The following IRAG2 variants were observed in gnomAD, a reference collection of about 807,000 sequenced individuals.
The protein encoded by IRAG2 is inositol 1,4,5-triphosphate receptor associated 2, also known as lymphoid restricted membrane protein.
In IRAG2, 45 loss-of-function variants were observed where a neutral mutation model predicts 69.9. The ratio of observed to expected loss-of-function variants is 0.64; its 90% CI spans 0.51 to 0.83. IRAG2 has a LOEUF of 0.83. IRAG2 is among the 40% of genes least tolerant of loss of function. IRAG2 has a pLI of 0.00. For missense variants in IRAG2, 520 were observed against 587.0 expected (o/e 0.89, Z 1.18); for synonymous variants, 193 against 202.4 (o/e 0.95, Z 0.40).
upstream of IRAG2, among the ~76,000 whole-genome samples, chr12:25,003,313 C>G (rs1210686251): frequency 6.6e-6 from 1 of 152,124 alleles, no homozygotes; most frequent in African/African-American, 2.4e-5. Context: ...ACTATTTTAA[C>G]CTTTTGCCTA....
At chr12:25,095,699 T>C (rs960983097) in intron 14 of IRAG2, among the ~76,000 whole-genome samples, 3 of 152,048 alleles carry the variant, frequency 2.0e-5, no homozygotes, top group African/African-American at 7.2e-5. Flanking sequence ...TTGGGAAGAG[T>C]TTTATGAAGA....
At chr12:25,053,552 A>G (rs2139894056) in intron 1 of IRAG2, among the ~76,000 whole-genome samples, 1 of 152,208 alleles carries the variant, frequency 6.6e-6, no homozygotes, top group East Asian at 1.9e-4. Context: ...AAGTATATAA[A>G]CAGTTACCAG....
intron 9 of IRAG2, among the ~76,000 whole-genome samples, chr12:25,081,024 C>T (rs963425775): frequency 2.0e-5 from 3 of 152,180 alleles, no homozygotes; most frequent in Non-Finnish European, 4.4e-5. Flanking sequence ...CCTATACACA[C>T]TATGTTTTTG....
In IRAG2 at chr12:25,043,619, C is replaced by A. The variant is rs138483001; in HGVS notation, c.2144+5482C>A. On this transcript the variant is annotated intron_variant, in intron 16 of 38. Coordinates refer to the IRAG2 transcript ENST00000636465. ...CTTCTGTCTTACCTGTCTCGGAGTA[C>A]TATGAGATGCATCATGCTCTAGATG... Among the ~76,000 whole-genome samples, 61 of 151,774 alleles carry A rather than the reference C, an allele frequency of 4.0e-4. 1 individual carries two copies. The East Asian group carries it at 0.011, about 28-fold the overall frequency.
At chr12:25,004,502 A>G (rs1010648752) in exon 1 of IRAG2, 19 of 1,232,032 alleles carry the variant, frequency 1.5e-5, no homozygotes, top group Non-Finnish European at 1.3e-5. Context: ...ACGAACACCA[A>G]GAAATATTTT....
At chr12:25,004,257 T>A (rs559135170), upstream of IRAG2, 25 of 976,644 alleles carry the variant, frequency 2.6e-5, no homozygotes, top group Non-Finnish European at 3.3e-5. Flanking sequence ...TAAATTATTG[T>A]TAGGAAAATA....
chr12:25,005,423 G>A (rs1468716075), intron 2 of IRAG2: 6 of 620,436 alleles, frequency 9.7e-6, no homozygotes, highest in Middle Eastern at 4.9e-4. Context: ...TCTATTGTGA[G>A]AGAAAGGGAA....
the IRAG2 span, among the ~76,000 whole-genome samples, chr12:24,998,098 T>A: frequency 6.6e-6 from 1 of 152,244 alleles, no homozygotes; most frequent in African/African-American, 2.4e-5. Flanking sequence ...GTAGGTCTTC[T>A]CTTGTTCTCT....
chr12:25,088,036 A>T, intron 10 of IRAG2, 64 bp from the exon 11 acceptor site: 2 of 1,202,916 alleles, frequency 1.7e-6, no homozygotes, highest in Non-Finnish European at 2.5e-6. Context: ...GACAGGAAGT[A>T]GGAAAATGAC....
upstream of IRAG2, among the ~76,000 whole-genome samples, chr12:25,000,168 A>G (rs566148780): frequency 6.6e-6 from 1 of 152,336 alleles, no homozygotes; most frequent in African/African-American, 2.4e-5. Context: ...TTAATATATT[A>G]GATACATTGG....
chr12:25,048,441 C>T (rs959504075), upstream of IRAG2, among the ~76,000 whole-genome samples: 1 of 151,896 alleles, frequency 6.6e-6, no homozygotes, highest in South Asian at 2.1e-4. Flanking sequence ...GGACTACAGG[C>T]ACACACCACC....
chr12:25,000,502 A>G (rs968225863), upstream of IRAG2, among the ~76,000 whole-genome samples: 3 of 152,186 alleles, frequency 2.0e-5, no homozygotes, highest in Admixed American at 2.0e-4. Flanking sequence ...TGGTAATCCC[A>G]GCTACTTGGG....
intron 15 of IRAG2, among the ~76,000 whole-genome samples, chr12:25,100,000 G>GAAAAAAAAAAATAAAAAAAAAAA (rs1948656796): frequency 3.9e-5 from 1 of 25,680 alleles, no homozygotes; most frequent in South Asian, 1.7e-3. Context: ...GACTCCATCT[G>GAAAAAAAAAAATAAAAAAAAAAA]AAAAAAAAAA....
rs1945712984 is a variant in IRAG2 at position 25,062,812 on chromosome 12, C to G, written c.-384-8C>G. The G allele has an allele frequency of 2.5e-6, 1 of 398,854 alleles. No individual in the cohort carries two copies. The highest frequency in any genetic ancestry group is 4.4e-6 in the Non-Finnish European group (1 of 226,028). 24.7% of individuals were successfully genotyped at this position (398,854 alleles called of 1,614,324 possible). A position where few individuals can be genotyped will look rare whatever the true frequency, so the allele number is the denominator to read the frequency against. On this transcript the variant is annotated splice_region_variant and splice_polypyrimidine_tract_variant and intron_variant, in intron 2 of 21. Coordinates refer to ENST00000556887, the MANE Select transcript of IRAG2 (RefSeq NM_001366544.2). ...CTTTGAATACACTCTACCATTTTCT[C>G]TTGACAGAGCTTTTTAGATGAGGAA...
chr12:25,087,180 T>G (rs113722140), intron 10 of IRAG2, among the ~76,000 whole-genome samples: 3,647 of 124,712 alleles, frequency 0.029, 33 homozygotes, highest in African/African-American at 0.07. Context: ...TTTTTTTTTT[T>G]TTGTTGAGAC....
At chr12:25,052,244 A>G (rs1156881503), upstream of IRAG2, 2 of 391,234 alleles carry the variant, frequency 5.1e-6, no homozygotes, top group Non-Finnish European at 8.9e-6. Flanking sequence ...GTCAGAAACA[A>G]CTAGAAGCCA....
intron 10 of IRAG2, chr12:25,030,366 G>A (rs1944659482): frequency 9.9e-6 from 12 of 1,216,372 alleles, no homozygotes; most frequent in African/African-American, 1.6e-5. Context: ...AAAGTCCCAT[G>A]GAATTGGCTA....
chr12:25,022,675 G>C (rs1350626685), intron 7 of IRAG2, among the ~76,000 whole-genome samples: 3 of 152,184 alleles, frequency 2.0e-5, no homozygotes, highest in African/African-American at 4.8e-5. Context: ...AAATGTAATA[G>C]AGCAATAAAG....
In IRAG2 at chr12:25,108,008, A is replaced by C. The variant is rs748286354; in HGVS notation, c.1448A>C (p.His483Pro). The change falls in exon 22 of 22, where the codon CAT (histidine) becomes CCT (proline). Residue 483 changes from histidine (H) to proline (P), a missense_variant. Transcript: ENST00000556887. ...QQEDSWTSLE[H>P]ILWPFTRLRH... ...GAGGACTCATGGACGTCTCTAGAAC[A>C]TATCTTGTGGCCATTTACCAGACTC... 9 of 1,613,860 alleles carry C rather than the reference A, an allele frequency of 5.6e-6. No individual in the cohort carries two copies. Among genetic ancestry groups the C allele is most frequent in the Non-Finnish European group, 7.6e-6 (9 of 1,179,754 alleles).
Sources: allele counts gnomAD v4.1 joint callset (sites outside exome capture counted in the v4.1 genomes callset), GRCh38; gene constraint gnomAD v4.1.1; transcripts MANE v1.5; gene names NCBI Gene and HGNC (gene_info 2026-07-23, HGNC 2026-07-21).